Variants in TCF3 observed in about 807,000 individuals in gnomAD.
TCF3 encodes transcription factor E2-alpha.
A neutral mutation model predicts 72.3 loss-of-function variants in TCF3; 54 were observed. That is an observed-to-expected ratio of 0.75 (90% CI 0.60 to 0.94). The LOEUF is 0.94. Ranked by LOEUF, TCF3 falls within the 40% of genes least tolerant of loss-of-function variation. The pLI is 0.00. For synonymous variants in TCF3, 525 were observed against 412.6 expected (o/e 1.27, Z -3.30); for missense variants, 1,078 against 934.4 (o/e 1.15, Z -2.00).
chr19:1,644,112 A>T (rs2065723701), intron 3 of TCF3, among the ~76,000 whole-genome samples: 1 of 152,208 alleles, frequency 6.6e-6, no homozygotes, highest in South Asian at 2.1e-4. Context: ...GTCCTCGGAG[A>T]GGAGAAGCAG....
Position 1,609,910 on chromosome 19 carries a change from C to G in TCF3, c.*1797G>C, listed in dbSNP as rs2060870954. 4.3e-6 allele frequency: 1 copy of G among 232,686 alleles called. No individual in the cohort carries two copies. The allele number at this position is 232,686 out of a possible 1,614,324, so 14.4% of individuals were successfully genotyped here. On this transcript the variant is annotated 3_prime_UTR_variant, in exon 19 of 19. Transcript: ENST00000262965. ...ACGCCCGACCTGCAGCGGGGATGAA[C>G]ACAGCCAGCCCAGGGGTCCACAAGG... is the stretch of plus-strand genomic sequence containing the variant.
intron 3 of TCF3, among the ~76,000 whole-genome samples, chr19:1,638,258 G>A (rs996964883): frequency 1.3e-5 from 2 of 152,226 alleles, no homozygotes; most frequent in Non-Finnish European, 2.9e-5. Context: ...AAAGATAGAT[G>A]CCATTTGCTC....
intron 16 of TCF3, chr19:1,616,645 G>C (rs2883115): frequency 6.6e-6 from 1 of 152,048 alleles, no homozygotes; most frequent in East Asian, 1.9e-4. Context: ...GCTGACTCAC[G>C]CCTGTGATCC....
Position 1,622,427 on chromosome 19 carries a change from T to TG in TCF3, c.550-13dup. 10 of 440,358 alleles carry TG rather than the reference T, an allele frequency of 2.3e-5. No individual in the cohort carries two copies. The highest frequency in any genetic ancestry group is 3.1e-5 in the Non-Finnish European group (8 of 257,316). 27.3% of individuals were successfully genotyped at this position (440,358 alleles called of 1,614,324 possible). A position where few individuals can be genotyped will look rare whatever the true frequency, so the allele number is the denominator to read the frequency against. ...CTGGGTGGGTACACCTGCGGGCGGGTGGGCGGTGGGGGGTGCAGTCAGGAC... is the reference window on the plus strand; with the variant it reads ...CTGGGTGGGTACACCTGCGGGCGGGTGGGGCGGTGGGGGGTGCAGTCAGGAC... On this transcript the variant is annotated splice_polypyrimidine_tract_variant and intron_variant, in intron 8 of 18. Coordinates refer to ENST00000262965, the MANE Select transcript of TCF3 (RefSeq NM_003200.5).
At chr19:1,637,813 G>T (rs1168500254) in intron 3 of TCF3, among the ~76,000 whole-genome samples, 3 of 152,142 alleles carry the variant, frequency 2.0e-5, no homozygotes, top group African/African-American at 7.2e-5. Context: ...GGAGGCTGAG[G>T]CAGGAGAATG....
rs756055151 is a variant in TCF3, at chr19:1,632,372, C to T, written c.179G>A (p.Gly60Asp). 3.1e-6 allele frequency: 5 copies of T among 1,596,960 alleles called. No homozygotes were observed. Among genetic ancestry groups the T allele is most frequent in the East Asian group, 4.5e-5 (2 of 44,306 alleles). ...LEDRPSSGSW[G>D]SGDQSSSSFD... The stretch of plus-strand genomic sequence containing the variant: ...GGAGGAGCTGCTCTGGTCGCCGCTG[C>T]CCCAGGAGCCTGAGCTGGGCCGGTC... The change falls in exon 4 of 19, where the codon GGC (glycine) becomes GAC (aspartate). Residue 60 changes from glycine (G) to aspartate (D), a missense_variant. Transcript: ENST00000262965.
chr19:1,634,827 C>A (rs1568448665), intron 3 of TCF3, among the ~76,000 whole-genome samples: 1 of 152,240 alleles, frequency 6.6e-6, no homozygotes. Flanking sequence ...TTTATTGGCA[C>A]ACACTATGCC....
At chr19:1,633,438 C>CTGT (rs1044034293) in intron 3 of TCF3, among the ~76,000 whole-genome samples, 15 of 152,174 alleles carry the variant, frequency 9.9e-5, no homozygotes, top group African/African-American at 3.6e-4. Context: ...CCACCTCAGG[C>CTGT]TGTTCTGCAG....
chr19:1,632,898 T>C (rs537147016), intron 3 of TCF3, among the ~76,000 whole-genome samples: 1 of 152,318 alleles, frequency 6.6e-6, no homozygotes, highest in South Asian at 2.1e-4. Context: ...TGTCCCCACC[T>C]GCCAGTGTGG....
Position 1,619,216 on chromosome 19 carries a change from CG to C in TCF3, c.1344del (p.Glu449ArgfsTer37). 1 of 1,596,924 alleles carries C rather than the reference CG, an allele frequency of 6.3e-7. No homozygotes were observed. The stretch of plus-strand genomic sequence containing the variant: ...CTGGTGCTGCCTGCGAGGCCGTCCT[CG>C]GGGTGGCTGCCTCCAACCTGCAGGC... ...RHAGLVGGSH[P>X]EDGLAGSTSL... On this transcript the variant is annotated frameshift_variant, in exon 16 of 19. Transcript: ENST00000262965. LOFTEE classifies it high-confidence loss of function.
chr19:1,622,787 A>G (rs761512589), intron 8 of TCF3, among the ~76,000 whole-genome samples: 5 of 152,088 alleles, frequency 3.3e-5, no homozygotes, highest in Non-Finnish European at 5.9e-5. Context: ...CTTGTTCCCC[A>G]GCTGGAATCA....
rs146096738 is a variant in TCF3 at position 1,617,636 on chromosome 19, T to C, written c.1450+1475A>G. Among the ~76,000 whole-genome samples, 846 of 152,330 alleles carry C rather than the reference T, an allele frequency of 5.6e-3. 18 individuals are homozygous for C. Among genetic ancestry groups the C allele is most frequent in the Admixed American group, 0.043 (650 of 15,294 alleles). ...TGCACCCGCTCCCCACAGTGAACTC[T>C]GCTCCAATCGGCCAACGCCAGCCAC... is the stretch of plus-strand genomic sequence containing the variant. On this transcript the variant is annotated intron_variant, in intron 16 of 18. Transcript: ENST00000262965.
rs919663635 is a variant in TCF3 at position 1,651,970 on chromosome 19, TG to T, written c.-40+329del. On this transcript the variant is annotated intron_variant, in intron 1 of 18. Transcript: ENST00000262965. ...CCCCGGGGTCCCCGTGCGCCCGGGC[TG>T]GGGGGGACGGTCCTCGCGCCTAAGT... Among the ~76,000 whole-genome samples, 6 of 149,742 alleles carry T rather than the reference TG, an allele frequency of 4.0e-5. 1 individual carries two copies. The East Asian group carries it at 8.0e-4, about 20-fold the overall frequency.
intron 3 of TCF3, among the ~76,000 whole-genome samples, chr19:1,644,195 G>T (rs950778666): frequency 6.6e-6 from 1 of 152,294 alleles, no homozygotes; most frequent in South Asian, 2.1e-4. Context: ...CCATCGACTC[G>T]CTGAACCTGA....
intron 5 of TCF3, 64 bp from the exon 6 acceptor site, chr19:1,627,490 T>C (rs2063035259): frequency 6.8e-7 from 1 of 1,477,126 alleles, no homozygotes; most frequent in Non-Finnish European, 9.4e-7. Context: ...GGCCCCCGAG[T>C]GCCTGCCATG....
chr19:1,638,444 G>T (rs541782357), intron 3 of TCF3, among the ~76,000 whole-genome samples: 1 of 152,090 alleles, frequency 6.6e-6, no homozygotes, highest in Admixed American at 6.6e-5. Context: ...CACCGCGCCC[G>T]GCTAATTTTT....
At chr19:1,647,660 G>C (rs917124511) in intron 2 of TCF3, among the ~76,000 whole-genome samples, 1 of 152,206 alleles carries the variant, frequency 6.6e-6, no homozygotes, top group African/African-American at 2.4e-5. Flanking sequence ...ACCTCCAAGG[G>C]CCAACCTCTC....
chr19:1,611,236 TAGA>T lies in TCF3; in HGVS notation c.*468_*470del, dbSNP rs2060961325. 2 of 295,214 alleles carry T rather than the reference TAGA, an allele frequency of 6.8e-6. No individual in the cohort carries two copies. The highest frequency in any genetic ancestry group is 6.2e-6 in the Non-Finnish European group (1 of 160,406). 18.3% of individuals were successfully genotyped at this position (295,214 alleles called of 1,614,324 possible). On this transcript the variant is annotated 3_prime_UTR_variant, in exon 19 of 19. Transcript: ENST00000262965. ...CTTAGGCACAATTTGCTGGTGGCTT[TAGA>T]AGAATAAGCCAGGTTTCCACAGCAT...
intron 5 of TCF3, among the ~76,000 whole-genome samples, chr19:1,630,830 C>A (rs755953423): frequency 1.3e-5 from 2 of 152,148 alleles, no homozygotes; most frequent in South Asian, 4.1e-4. Flanking sequence ...CCTACCTGAG[C>A]CCCCGAACCC....
Sources: gnomAD v4.1 joint callset for allele counts (sites outside exome capture counted in the v4.1 genomes callset) on GRCh38, gnomAD v4.1.1 for gene constraint, MANE v1.5 for transcripts, NCBI Gene and HGNC (gene_info 2026-07-23, HGNC 2026-07-21) for gene names.